Variants in NEGR1 observed in about 807,000 individuals in gnomAD.
The protein encoded by NEGR1 is IgLON family member 4.
A neutral mutation model predicts 40.9 loss-of-function variants in NEGR1; 10 were observed. The observed-to-expected ratio is 0.24, with a 90% CI of 0.15 to 0.42. NEGR1 has a LOEUF of 0.42. NEGR1 is among the 10% of genes least tolerant of loss of function. The probability of loss-of-function intolerance (pLI) is 1.00; values close to 1 mark genes in which losing one functional copy is unlikely to be tolerated. For missense variants in NEGR1, 352 were observed against 438.9 expected, an observed-to-expected ratio of 0.80 and a Z score of 1.77; for synonymous variants, 185 against 166.8, an observed-to-expected ratio of 1.11 and a Z score of -0.84.
intron 1 of NEGR1, among the ~76,000 whole-genome samples, chr1:72,067,743 C>A (rs1314581332): frequency 3.3e-5 from 5 of 151,998 alleles, no homozygotes; most frequent in Admixed American, 3.3e-4. Flanking sequence ...TAAAGTATAT[C>A]ATTTATATAA....
chr1:71,783,905 G>T (rs1656813416), intron 2 of NEGR1, among the ~76,000 whole-genome samples: 1 of 151,758 alleles, frequency 6.6e-6, no homozygotes, highest in African/African-American at 2.4e-5. Flanking sequence ...CCATCTCAGG[G>T]TGACTAATCT....
chr1:71,601,383 G>T (rs1247709102), intron 5 of NEGR1, among the ~76,000 whole-genome samples: 1 of 152,186 alleles, frequency 6.6e-6, no homozygotes, highest in Non-Finnish European at 1.5e-5. Context: ...ATGCAAATTA[G>T]TTCAGCTTCC....
chr1:71,492,449 G>T (rs1646936305), intron 6 of NEGR1, among the ~76,000 whole-genome samples: 1 of 150,710 alleles, frequency 6.6e-6, no homozygotes, highest in African/African-American at 2.4e-5. Context: ...TAGTTAGCTA[G>T]GTACTTGATC....
chr1:71,884,881 T>C (rs1660682431), intron 2 of NEGR1, among the ~76,000 whole-genome samples: 1 of 152,214 alleles, frequency 6.6e-6, no homozygotes, highest in Admixed American at 6.5e-5. Context: ...AACACCTTTC[T>C]CTATATATTT....
intron 1 of NEGR1, among the ~76,000 whole-genome samples, chr1:72,243,511 T>A (rs556163895): frequency 3.5e-4 from 53 of 151,922 alleles, no homozygotes; most frequent in Admixed American, 7.2e-4. Context: ...ATAAAAAGAA[T>A]GATTTATATG....
At chr1:72,263,821 C>T (rs1655548089) in intron 1 of NEGR1, among the ~76,000 whole-genome samples, 1 of 151,274 alleles carries the variant, frequency 6.6e-6, no homozygotes. Flanking sequence ...TTAAAAATGA[C>T]AATGAAAAAA....
chr1:71,554,781 T>C (rs1648202209), intron 6 of NEGR1, among the ~76,000 whole-genome samples: 1 of 151,526 alleles, frequency 6.6e-6, no homozygotes, highest in Admixed American at 6.6e-5. Context: ...ATTTCTTCTC[T>C]AGATTTCACC....
chr1:72,004,003 C>A (rs2100387023), intron 1 of NEGR1, among the ~76,000 whole-genome samples: 2 of 152,014 alleles, frequency 1.3e-5, no homozygotes, highest in Admixed American at 1.3e-4. Context: ...TATATATTTT[C>A]TCACATTTAT....
chr1:72,093,423 A>G (rs1249615205), intron 1 of NEGR1, among the ~76,000 whole-genome samples: 1 of 152,180 alleles, frequency 6.6e-6, no homozygotes, highest in Non-Finnish European at 1.5e-5. Context: ...TTCTCTCAAA[A>G]AACTTATGTA....
rs1646614542 is a variant in NEGR1, at chr1:71,450,031, C to A, written c.941-42461G>T. On this transcript the variant is annotated intron_variant, in intron 6 of 6. Coordinates refer to ENST00000357731, the MANE Select transcript of NEGR1 (RefSeq NM_173808.3). ...TTTGAGACGGAGTCTTGCTCTGTTG[C>A]CCAGGCTAGAGTGCAGCGGTCCACT... 4.0e-5 allele frequency among the ~76,000 whole-genome samples: 6 copies of A among 148,338 alleles called. No individual in the cohort carries two copies. In the Admixed American group the frequency reaches 4.1e-4, roughly 10 times the overall value.
At chr1:71,471,275 G>A (rs534089535) in intron 6 of NEGR1, among the ~76,000 whole-genome samples, 1 of 152,138 alleles carries the variant, frequency 6.6e-6, no homozygotes, top group Admixed American at 6.5e-5. Context: ...TCCTCATCTC[G>A]AAATCCTCAA....
rs149930969 is a variant in NEGR1 at position 71,497,369 on chromosome 1, C to T, written c.941-89799G>A. Among the ~76,000 whole-genome samples the T allele has an allele frequency of 4.6e-3, 695 of 152,124 alleles. 2 individuals carry two copies. The highest frequency in any genetic ancestry group is 0.016 in the African/African-American group (652 of 41,518). On this transcript the variant is annotated intron_variant, in intron 6 of 6. Transcript: ENST00000357731. ...TCATAAATATAGATAAAAATATCAG[C>T]GTTCATTCTAAATTGCTTAAAATGT...
intron 4 of NEGR1, among the ~76,000 whole-genome samples, chr1:71,697,478 A>G (rs1478735607): frequency 1.3e-5 from 2 of 151,834 alleles, no homozygotes; most frequent in African/African-American, 4.8e-5. Context: ...GCAGGTATCC[A>G]ATTTATATTC....
At chr1:71,567,682 G>C (rs1291452818) in intron 6 of NEGR1, among the ~76,000 whole-genome samples, 1 of 152,098 alleles carries the variant, frequency 6.6e-6, no homozygotes, top group Non-Finnish European at 1.5e-5. Flanking sequence ...TCACAATAAA[G>C]TATATCAGTG....
intron 6 of NEGR1, among the ~76,000 whole-genome samples, chr1:71,500,680 C>T (rs574923548): frequency 9.9e-5 from 15 of 152,074 alleles, no homozygotes; most frequent in African/African-American, 3.4e-4. Context: ...TGTCCCTTGG[C>T]ATCCATGGAG....
intron 6 of NEGR1, among the ~76,000 whole-genome samples, chr1:71,466,250 T>C (rs1440775544): frequency 1.3e-5 from 2 of 152,104 alleles, no homozygotes; most frequent in African/African-American, 4.8e-5. Context: ...TGTAGCAATA[T>C]TCTAAAATGC....
At chr1:72,212,026 A>T (rs1377096149) in intron 1 of NEGR1, among the ~76,000 whole-genome samples, 1 of 152,016 alleles carries the variant, frequency 6.6e-6, no homozygotes, top group Non-Finnish European at 1.5e-5. Context: ...CAGAGTTATC[A>T]GATGAAATGC....
intron 2 of NEGR1, among the ~76,000 whole-genome samples, chr1:71,798,823 T>G (rs979283445): frequency 4.6e-5 from 7 of 152,182 alleles, no homozygotes; most frequent in African/African-American, 1.7e-4. Flanking sequence ...GTAAGAGTGT[T>G]GATACCTTAT....
intron 5 of NEGR1, among the ~76,000 whole-genome samples, chr1:71,603,191 A>G (rs1382925194): frequency 1.3e-5 from 2 of 152,058 alleles, no homozygotes; most frequent in Non-Finnish European, 2.9e-5. Context: ...GAAGAAGTGA[A>G]ATCTGAAGTT....
Sources: allele counts gnomAD v4.1 joint callset (sites outside exome capture counted in the v4.1 genomes callset), GRCh38; gene constraint gnomAD v4.1.1; transcripts MANE v1.5; gene names NCBI Gene and HGNC (gene_info 2026-07-23, HGNC 2026-07-21).